Variants in MCM6 observed in about 807,000 individuals in gnomAD.
The protein encoded by MCM6 is minichromosome maintenance complex component 6, also known as DNA replication licensing factor MCM6.
In MCM6, 46 loss-of-function variants were observed where a neutral mutation model predicts 94.3. That is an observed-to-expected ratio of 0.49 (90% CI 0.39 to 0.62). The LOEUF (loss-of-function observed/expected upper bound fraction) is 0.62. Ranked by LOEUF, MCM6 falls within the 20% of genes least tolerant of loss-of-function variation. The pLI is 0.00. For synonymous variants in MCM6, 335 were observed against 351.9 expected (o/e 0.95, Z 0.54); for missense variants, 865 against 1,017.9 (o/e 0.85, Z 2.04).
At chr2:135,847,713 G>A (rs1226058448) in intron 14 of MCM6, among the ~76,000 whole-genome samples, 2 of 152,124 alleles carry the variant, frequency 1.3e-5, no homozygotes, top group African/African-American at 2.4e-5. Context: ...ACAGGCAGCC[G>A]CCACCACGCC....
intron 12 of MCM6, among the ~76,000 whole-genome samples, chr2:135,852,220 C>T (rs559877207): frequency 2.6e-5 from 4 of 152,226 alleles, no homozygotes; most frequent in African/African-American, 9.6e-5. Context: ...TAACACCTTC[C>T]AGAAGTCAAG....
chr2:135,873,799 A>G (rs1477578502), intron 1 of MCM6, among the ~76,000 whole-genome samples: 34 of 152,008 alleles, frequency 2.2e-4, no homozygotes. Context: ...TGAGAAGAAC[A>G]AGAAATGTGC....
intron 10 of MCM6, 74 bp downstream of exon 10, chr2:135,857,823 G>A (rs531169973): frequency 1.6e-6 from 2 of 1,227,742 alleles, no homozygotes; most frequent in Admixed American, 1.7e-5. Flanking sequence ...TTTTATCCAG[G>A]TGAACTTCTC....
At position 135,866,483 on chromosome 2, in the gene MCM6, A is replaced by T. The variant is rs1680097059; in HGVS notation, c.781+80T>A. On this transcript the variant is annotated intron_variant, in intron 5 of 16. Transcript: ENST00000264156. ...CTTCTGATTGGTAGCCAAAAAGAAG[A>T]CAATGAAGATGTGGGAAGCTAGATA... The T allele has an allele frequency of 3.4e-6, 5 of 1,481,698 alleles. No homozygotes were observed. The East Asian group carries it at 1.1e-4, about 34-fold the overall frequency. The allele number at this position is 1,481,698 out of a possible 1,614,324, so 91.8% of individuals were successfully genotyped here. A position where few individuals can be genotyped will look rare whatever the true frequency, so the allele number is the denominator to read the frequency against.
chr2:135,850,326 G>C (rs1440853811), intron 13 of MCM6, among the ~76,000 whole-genome samples: 1 of 151,900 alleles, frequency 6.6e-6, no homozygotes, highest in Non-Finnish European at 1.5e-5. Flanking sequence ...TTTAGGTTCG[G>C]GGGTACACAT....
rs1679800658 is a variant in MCM6, at chr2:135,852,776, G to A, written c.1755+11C>T. 1 of 1,562,388 alleles carries A rather than the reference G, an allele frequency of 6.4e-7. No individual in the cohort carries two copies. Among genetic ancestry groups the A allele is most frequent in the Non-Finnish European group, 8.7e-7 (1 of 1,155,806 alleles). The stretch of plus-strand genomic sequence containing the variant: ...CATTATACCTTATCCCAGTACAAAA[G>A]GGTAGGTTACCTTGGGTTTAAACTG... On this transcript the variant is annotated intron_variant, in intron 12 of 16. Transcript: ENST00000264156.
Position 135,848,089 on chromosome 2 carries a change from G to A in MCM6, c.2017C>T (p.Gln673Ter). ...CCAGCACCCTCATCTACCTCCATCT[G>A]GATCTCTTCCTCTTGATCTAGATTG... ...DVNLDQEEEI[Q>*]MEVDEGAGGI... Residue 673 changes from glutamine (Q) to a stop codon, truncating the protein, a stop_gained, in exon 14 of 17, where the codon CAG (glutamine) becomes TAG (stop). Coordinates refer to ENST00000264156, the MANE Select transcript of MCM6 (RefSeq NM_005915.6). LOFTEE classifies it high-confidence loss of function. The A allele has an allele frequency of 1.2e-6, 2 of 1,610,326 alleles. No homozygotes were observed. The highest frequency in any genetic ancestry group is 1.7e-6 in the Non-Finnish European group (2 of 1,176,762).
Position 135,866,330 on chromosome 2 carries a change from A to G in MCM6, c.782-53T>C, listed in dbSNP as rs2289048. 0.017 allele frequency: 26,771 copies of G among 1,593,958 alleles called. 2,164 individuals carry two copies. In the African/African-American group the frequency reaches 0.2, roughly 12 times the overall value. On this transcript the variant is annotated intron_variant, in intron 5 of 16. Transcript: ENST00000264156. ...AACTTAAATATTAAAGGTGCTGAACATCAAAATTGCTCAAATAAATGAAAG... is the reference window on the plus strand; with the variant it reads ...AACTTAAATATTAAAGGTGCTGAACGTCAAAATTGCTCAAATAAATGAAAG...
At chr2:135,841,073 A>C in intron 16 of MCM6, 122 bp from the exon 17 acceptor site, 1 of 720,196 alleles carries the variant, frequency 1.4e-6, no homozygotes, top group Non-Finnish European at 2.4e-6. Flanking sequence ...TCCCAACTAG[A>C]AACTCCTAGG....
intron 11 of MCM6, among the ~76,000 whole-genome samples, chr2:135,855,348 GA>G (rs370402926): frequency 3.9e-5 from 6 of 152,026 alleles, no homozygotes; most frequent in Admixed American, 2.6e-4. Context: ...CTTGTGAAGG[GA>G]AAAAAAGTGA....
chr2:135,856,167 A>G (rs964648868), intron 11 of MCM6, among the ~76,000 whole-genome samples: 11 of 152,188 alleles, frequency 7.2e-5, no homozygotes, highest in African/African-American at 2.7e-4. Flanking sequence ...GGGGCCAGGT[A>G]CAGTGGCTCA....
chr2:135,875,678 G>T (rs1022439872), intron 1 of MCM6, among the ~76,000 whole-genome samples: 4 of 152,112 alleles, frequency 2.6e-5, no homozygotes, highest in African/African-American at 7.2e-5. Context: ...AGAGGGAAAG[G>T]GGAGCAAGGG....
intron 8 of MCM6, 70 bp downstream of exon 8, chr2:135,862,537 C>A: frequency 2.6e-6 from 4 of 1,558,756 alleles, no homozygotes; most frequent in Non-Finnish European, 2.6e-6. Context: ...TGACTGCATT[C>A]TTGGTAGCAC....
Position 135,857,898 on chromosome 2 carries a change from T to C in MCM6, c.1469A>G (p.Lys490Arg), listed in dbSNP as rs763013351. The C allele has an allele frequency of 1.2e-6, 2 of 1,611,458 alleles. No homozygotes were observed. The highest frequency in any genetic ancestry group is 1.7e-6 in the Non-Finnish European group (2 of 1,177,770). Residue 490 changes from lysine to arginine, a missense_variant and splice_region_variant, in exon 10 of 17, where the codon AAG (lysine) becomes AGG (arginine). Physicochemically the swap from Lys to Arg is conservative, Grantham distance 26. Coordinates refer to ENST00000264156, the MANE Select transcript of MCM6 (RefSeq NM_005915.6). ...AGAACAGAAGTAGATAACACATACC[T>C]TCACTCCTGCTTTAGTGATGGATAT... Reference protein sequence around the residue: ...QTISITKAGVKATLNARTSIL... With the variant: ...QTISITKAGVRATLNARTSIL...
At chr2:135,842,439 C>T (rs538231905) in intron 16 of MCM6, among the ~76,000 whole-genome samples, 9 of 152,302 alleles carry the variant, frequency 5.9e-5, no homozygotes, top group African/African-American at 2.2e-4. Context: ...ATCTCTGCCA[C>T]ATAATAGGAA....
At chr2:135,865,436 AT>A (rs1680077081) in intron 6 of MCM6, among the ~76,000 whole-genome samples, 1 of 152,232 alleles carries the variant, frequency 6.6e-6, no homozygotes, top group Non-Finnish European at 1.5e-5. Context: ...AATCACTGAC[AT>A]AAAGATGCAA....
intron 8 of MCM6, among the ~76,000 whole-genome samples, chr2:135,860,931 T>C (rs1277117446): frequency 2.0e-5 from 3 of 152,174 alleles, no homozygotes; most frequent in African/African-American, 7.2e-5. Context: ...CCGACTATCA[T>C]TATATACAGA....
rs4988227 is a variant in MCM6, at chr2:135,852,484, G to A, written c.1755+303C>T. On this transcript the variant is annotated intron_variant, in intron 12 of 16. Coordinates refer to ENST00000264156, the MANE Select transcript of MCM6 (RefSeq NM_005915.6). ...ATTTAGGCGCATAAACAATTTTAAC[G>A]TTCTTAGTAATGTTTGAAATAAAAG... Among the ~76,000 whole-genome samples, 841 of 152,088 alleles carry A rather than the reference G, an allele frequency of 5.5e-3. 5 individuals carry two copies. The highest frequency in any genetic ancestry group is 9.0e-3 in the Non-Finnish European group (615 of 67,958).
In MCM6 at chr2:135,851,545, C is replaced by A. The variant is rs1440544215; in HGVS notation, c.1774G>T (p.Asp592Tyr). ...TGTTTATATTGCTCCACAATGAAGT[C>A]CTCTGACTCTTTGGAAATCTGTTTC... Reference protein sequence around the residue: ...FKPKISKESEDFIVEQYKHLR... With the variant: ...FKPKISKESEYFIVEQYKHLR... Residue 592 changes from aspartate (D) to tyrosine (Y), a missense_variant, in exon 13 of 17, where the codon GAC (aspartate) becomes TAC (tyrosine). Physicochemically the swap from Asp to Tyr is radical, Grantham distance 160 (BLOSUM62 -3). Transcript: ENST00000264156. The A allele has an allele frequency of 6.2e-7, 1 of 1,604,266 alleles. No homozygotes were observed.
Sources: gnomAD v4.1 joint callset for allele counts (sites outside exome capture counted in the v4.1 genomes callset) on GRCh38, gnomAD v4.1.1 for gene constraint, MANE v1.5 for transcripts, NCBI Gene and HGNC (gene_info 2026-07-23, HGNC 2026-07-21) for gene names.